CREG2: variants seen among roughly 807,000 people sequenced by gnomAD.
The protein encoded by CREG2 is cellular repressor of E1A stimulated genes 2, also known as protein CREG2.
In CREG2, 24 loss-of-function variants were observed where a neutral mutation model predicts 26.2. The ratio of observed to expected loss-of-function variants is 0.92; its 90% CI spans 0.66 to 1.29. The LOEUF (loss-of-function observed/expected upper bound fraction) is 1.29, where lower values mean the gene tolerates loss of function less well. Among genes scored for constraint, CREG2 ranks in the 50% most tolerant of loss-of-function variants. The pLI, the probability that CREG2 is intolerant of heterozygous loss-of-function variation, is 0.00. For synonymous variants in CREG2, 174 were observed against 169.2 expected (o/e 1.03, Z -0.22); for missense variants, 366 against 398.6 (o/e 0.92, Z 0.70).
chr2:101,372,080 G>A (rs920489732), intron 2 of CREG2, among the ~76,000 whole-genome samples: 1 of 152,162 alleles, frequency 6.6e-6, no homozygotes, highest in Non-Finnish European at 1.5e-5. Flanking sequence ...TACAGATGGG[G>A]AATGAGGATG....
chr2:101,387,096 C>G lies in CREG2; in HGVS notation c.362G>C (p.Arg121Thr), dbSNP rs1331327302. The part of the protein sequence containing the change: ...GQTASAPPGP[R>T]LRAATARSLA... The stretch of plus-strand genomic sequence containing the variant: ...GGAGCGGGCGGTGGCGGCGCGCAGT[C>G]TAGGGCCCGGGGGCGCACTGGCCGT... Residue 121 changes from arginine to threonine, a missense_variant, in exon 1 of 4, where the codon AGA (arginine) becomes ACA (threonine). Physicochemically the swap from Arg to Thr is moderately conservative, Grantham distance 71 (BLOSUM62 -1). This residue lies in a region of CREG2 where 177 missense variants were observed against 183.3 expected (regional missense o/e 0.97). Transcript: ENST00000324768. This position sits in a 1 kb window ranked among gnomAD's most constrained non-coding sequence, Gnocchi z 4.7. 1 of 1,241,332 alleles carries G rather than the reference C, an allele frequency of 8.1e-7. No individual in the cohort carries two copies. 76.9% of individuals were successfully genotyped at this position (1,241,332 alleles called of 1,614,324 possible). A position where few individuals can be genotyped will look rare whatever the true frequency, so the allele number is the denominator to read the frequency against.
chr2:101,363,137 G>T (rs183195099), intron 2 of CREG2, among the ~76,000 whole-genome samples: 12 of 152,324 alleles, frequency 7.9e-5, no homozygotes, highest in Admixed American at 3.9e-4. Flanking sequence ...TCAATCTAGG[G>T]AGTCAAGGGA....
At chr2:101,354,159 C>T (rs926417555) in intron 3 of CREG2, among the ~76,000 whole-genome samples, 3 of 152,044 alleles carry the variant, frequency 2.0e-5, no homozygotes, top group African/African-American at 7.3e-5. Flanking sequence ...ACCTAATGAA[C>T]CCACTGATCT....
intron 1 of CREG2, among the ~76,000 whole-genome samples, chr2:101,384,851 AC>A (rs1408596150): frequency 6.6e-6 from 1 of 152,054 alleles, no homozygotes; most frequent in Non-Finnish European, 1.5e-5. Flanking sequence ...ACAGAGCCAG[AC>A]CCCATCTATA....
chr2:101,387,306 T>A lies in CREG2; in HGVS notation c.152A>T (p.Asp51Val), dbSNP rs1015563838. The A allele has an allele frequency of 6.7e-6, 10 of 1,490,952 alleles. No individual in the cohort carries two copies. The highest frequency in any genetic ancestry group is 9.0e-6 in the Non-Finnish European group (10 of 1,113,638). The allele number at this position is 1,490,952 out of a possible 1,614,324, so 92.4% of individuals were successfully genotyped here. Residue 51 changes from aspartate to valine, a missense_variant, in exon 1 of 4, where the codon GAC becomes GTC. Physicochemically the swap from Asp to Val is radical, Grantham distance 152. Transcript: ENST00000324768. This position sits in a 1 kb window ranked among gnomAD's most constrained non-coding sequence, Gnocchi z 4.7. ...CATAGCCTCCTCAGTGGAGGCGCTG[T>A]CCAGCTCCTCGTCCACCTCGTTGGT... ...AVTNEVDEEL[D>V]SASTEEAMPA...
intron 2 of CREG2, among the ~76,000 whole-genome samples, chr2:101,372,898 C>T (rs184982211): frequency 4.2e-4 from 64 of 152,296 alleles, no homozygotes; most frequent in Middle Eastern, 3.4e-3. Context: ...TGCTCAGCAT[C>T]GTTAGTCATG....
At position 101,375,706 on chromosome 2, in the gene CREG2, G is replaced by C. The variant is rs570187056; in HGVS notation, c.611+7827C>G. On this transcript the variant is annotated intron_variant, in intron 2 of 3. Transcript: ENST00000324768. ...CCTCGGGACCACCCTACCCCAGGACGGGGTGGGGTGCGGCACATTCACCTG... is the reference window on the plus strand; with the variant it reads ...CCTCGGGACCACCCTACCCCAGGACCGGGTGGGGTGCGGCACATTCACCTG... 23 of 174,566 alleles carry C rather than the reference G, an allele frequency of 1.3e-4. 1 individual carries two copies. Among genetic ancestry groups the C allele is most frequent in the Middle Eastern group, 3.1e-3 (1 of 318 alleles). 10.8% of individuals were successfully genotyped at this position (174,566 alleles called of 1,614,324 possible). A position where few individuals can be genotyped will look rare whatever the true frequency, so the allele number is the denominator to read the frequency against.
At chr2:101,362,730 G>T (rs1684561131) in intron 2 of CREG2, among the ~76,000 whole-genome samples, 1 of 152,190 alleles carries the variant, frequency 6.6e-6, no homozygotes, top group Non-Finnish European at 1.5e-5. Context: ...CAGGCCAGTG[G>T]ACATTCTTTT....
chr2:101,349,577 CTTTATAGG>C lies in CREG2; in HGVS notation c.*1338_*1345del, dbSNP rs1684348034. 6.6e-6 allele frequency: 1 copy of C among 152,512 alleles called. No homozygotes were observed. Among genetic ancestry groups the C allele is most frequent in the African/African-American group, 2.4e-5 (1 of 41,400 alleles). The allele number at this position is 152,512 out of a possible 1,614,324, so 9.4% of individuals were successfully genotyped here. A position where few individuals can be genotyped will look rare whatever the true frequency, so the allele number is the denominator to read the frequency against. On this transcript the variant is annotated 3_prime_UTR_variant, in exon 4 of 4. Coordinates refer to ENST00000324768, the MANE Select transcript of CREG2 (RefSeq NM_153836.4). ...ACAGAAAACTTGGGACAGCTCAACC[CTTTATAGG>C]TTTTAATGATCAGAGGTCTTAGATA...
intron 3 of CREG2, among the ~76,000 whole-genome samples, chr2:101,352,605 C>T (rs971862647): frequency 6.6e-6 from 1 of 152,118 alleles, no homozygotes; most frequent in Admixed American, 6.5e-5. Context: ...GCCACGAGTT[C>T]GAGACCAGCC....
chr2:101,357,688 G>C (rs1431651965), intron 2 of CREG2, among the ~76,000 whole-genome samples: 1 of 152,006 alleles, frequency 6.6e-6, no homozygotes, highest in Non-Finnish European at 1.5e-5. Context: ...CATTTTGTTT[G>C]ATCTTCATGA....
In CREG2 at chr2:101,350,942, G is replaced by C; in HGVS notation, c.854C>G (p.Ala285Gly). 2 of 1,614,152 alleles carry C rather than the reference G, an allele frequency of 1.2e-6. No individual in the cohort carries two copies. The highest frequency in any genetic ancestry group is 1.7e-6 in the Non-Finnish European group (2 of 1,180,006). Residue 285 changes from alanine (A) to glycine (G), a missense_variant, in exon 4 of 4, where the codon GCA becomes GGA. Ala to Gly is a moderately conservative substitution (Grantham distance 60). This residue lies in a region of CREG2 where 174 missense variants were observed against 178.2 expected (regional missense o/e 0.98). Transcript: ENST00000324768. The stretch of plus-strand genomic sequence containing the variant: ...ACTCCATCAGGCCTTTCTGGGAACT[G>C]CTTTGAAATATTCCTCCCTTGAAAT... The part of the protein sequence containing the change: ...SSISREEYFK[A>G]VPRKA
At chr2:101,365,953 A>G (rs1318038801) in intron 2 of CREG2, among the ~76,000 whole-genome samples, 1 of 152,224 alleles carries the variant, frequency 6.6e-6, no homozygotes, top group Non-Finnish European at 1.5e-5. Flanking sequence ...CCACAGTTTC[A>G]CAACCATTGT....
intron 2 of CREG2, among the ~76,000 whole-genome samples, chr2:101,372,362 G>A (rs561316177): frequency 1.1e-4 from 16 of 152,316 alleles, no homozygotes; most frequent in Admixed American, 4.6e-4. Flanking sequence ...TATTTAATAC[G>A]TTGTCTTGTA....
rs140000382 is a variant in CREG2 at position 101,380,610 on chromosome 2, G to T, written c.611+2923C>A. Among the ~76,000 whole-genome samples, 380 of 152,316 alleles carry T rather than the reference G, an allele frequency of 2.5e-3. 3 individuals carry two copies. The highest frequency in any genetic ancestry group is 3.4e-3 in the Middle Eastern group (1 of 294). On this transcript the variant is annotated intron_variant, in intron 2 of 3. Transcript: ENST00000324768. ...TCCCCAGCTGCACAGACTAACAGAG[G>T]AATAGGAGCGCCCAGAAGACACCAC... is the stretch of plus-strand genomic sequence containing the variant.
intron 2 of CREG2, among the ~76,000 whole-genome samples, chr2:101,372,276 C>T (rs559120024): frequency 1.1e-4 from 17 of 152,294 alleles, no homozygotes; most frequent in South Asian, 2.1e-4. Context: ...TAAGTGTTCA[C>T]GCCTACGCAT....
At position 101,347,600 on chromosome 2, in the gene CREG2, A is replaced by T. The variant is rs1186956234; in HGVS notation, c.*3323T>A. 1 of 151,956 alleles carries T rather than the reference A, an allele frequency of 6.6e-6. No homozygotes were observed. The highest frequency in any genetic ancestry group is 1.5e-5 in the Non-Finnish European group (1 of 68,010). The allele number at this position is 151,956 out of a possible 1,614,324, so 9.4% of individuals were successfully genotyped here. A position where few individuals can be genotyped will look rare whatever the true frequency, so the allele number is the denominator to read the frequency against. On this transcript the variant is annotated 3_prime_UTR_variant, in exon 4 of 4. Transcript: ENST00000324768. ...GTTGACTGTCTTTTCATGTCTTTTCATGCGCTTATTTGCCATTTTTATATC... is the reference window on the plus strand; with the variant it reads ...GTTGACTGTCTTTTCATGTCTTTTCTTGCGCTTATTTGCCATTTTTATATC...
chr2:101,386,944 G>A, intron 1 of CREG2, 73 bp downstream of exon 1: 1 of 1,221,306 alleles, frequency 8.2e-7, no homozygotes, highest in Non-Finnish European at 1.0e-6. Flanking sequence ...GCGGTCGCGA[G>A]CACGTCCCTG....
Position 101,373,901 on chromosome 2 carries a change from C to G in CREG2, c.611+9632G>C, listed in dbSNP as rs72988796. ...ATTTTTTGAGAACAGGGTCTACACT[C>G]TGTCACCCAGGCTGGAGGGCAGTGG... On this transcript the variant is annotated intron_variant, in intron 2 of 3. Coordinates refer to ENST00000324768, the MANE Select transcript of CREG2 (RefSeq NM_153836.4). Among the ~76,000 whole-genome samples the G allele has an allele frequency of 3.6e-3, 546 of 152,334 alleles. 4 individuals carry two copies. The highest frequency in any genetic ancestry group is 0.011 in the African/African-American group (467 of 41,584).
Sources: allele counts gnomAD v4.1 joint callset (sites outside exome capture counted in the v4.1 genomes callset), GRCh38; gene constraint gnomAD v4.1.1; regional missense constraint gnomAD v4.1.1; non-coding constraint Gnocchi (gnomAD v3.1); transcripts MANE v1.5; gene names NCBI Gene and HGNC (gene_info 2026-07-23, HGNC 2026-07-21).